The following SGCZ variants were observed in gnomAD, a reference collection of about 807,000 sequenced individuals.
SGCZ encodes the protein zeta-sarcoglycan.
In SGCZ, 40 loss-of-function variants were observed where a neutral mutation model predicts 41.3. The ratio of observed to expected loss-of-function variants is 0.97; its 90% confidence interval spans 0.75 to 1.26. SGCZ has a LOEUF of 1.26. Among genes scored for constraint, SGCZ ranks in the 50% most tolerant of loss-of-function variants. SGCZ has a pLI of 0.00. For missense variants in SGCZ, 552 were observed against 369.8 expected, an observed-to-expected ratio of 1.49 and a Z score of -4.04; for synonymous variants, 206 against 137.5, an observed-to-expected ratio of 1.50 and a Z score of -3.49.
At chr8:14,294,069 T>G (rs1800933847) in intron 3 of SGCZ, among the ~76,000 whole-genome samples, 2 of 151,880 alleles carry the variant, frequency 1.3e-5, no homozygotes, top group African/African-American at 4.8e-5. Flanking sequence ...CATTTTTCTG[T>G]AGCCAATTAT....
intron 1 of SGCZ, among the ~76,000 whole-genome samples, chr8:15,171,999 C>A (rs1192948619): frequency 6.6e-6 from 1 of 151,970 alleles, no homozygotes; most frequent in Non-Finnish European, 1.5e-5. Context: ...ATTATTTGTG[C>A]CAGCAAAGAG....
At chr8:14,604,693 T>G (rs898151591) in intron 1 of SGCZ, among the ~76,000 whole-genome samples, 3 of 152,192 alleles carry the variant, frequency 2.0e-5, no homozygotes, top group African/African-American at 4.8e-5. Flanking sequence ...AAACGCAGAC[T>G]GCTCTAAGTC....
At chr8:14,289,290 G>C (rs1484792190) in intron 3 of SGCZ, among the ~76,000 whole-genome samples, 1 of 150,712 alleles carries the variant, frequency 6.6e-6, no homozygotes, top group Non-Finnish European at 1.5e-5. Flanking sequence ...TAATTTATCT[G>C]TTATTTCTCT....
intron 2 of SGCZ, among the ~76,000 whole-genome samples, chr8:14,438,434 T>C (rs922914863): frequency 2.6e-5 from 4 of 151,994 alleles, no homozygotes. Context: ...ATTATTAATT[T>C]TCTAGGGAGA....
At chr8:14,978,598 G>A (rs754041508) in intron 1 of SGCZ, among the ~76,000 whole-genome samples, 88 of 147,278 alleles carry the variant, frequency 6.0e-4, no homozygotes, top group Admixed American at 1.9e-3. Context: ...TCACCATTTC[G>A]CCTAAGTTAG....
chr8:14,714,263 G>C (rs893182442), intron 1 of SGCZ, among the ~76,000 whole-genome samples: 2 of 151,974 alleles, frequency 1.3e-5, no homozygotes, highest in South Asian at 4.1e-4. Flanking sequence ...CACCGTGTCC[G>C]ACCCTGAAAT....
At chr8:14,367,854 T>C (rs1290603544) in intron 2 of SGCZ, among the ~76,000 whole-genome samples, 6 of 152,016 alleles carry the variant, frequency 3.9e-5, no homozygotes, top group African/African-American at 1.2e-4. Flanking sequence ...ATGCTTATTA[T>C]TTTTTGGGAA....
chr8:14,947,279 G>T, intron 1 of SGCZ, among the ~76,000 whole-genome samples: 1 of 152,208 alleles, frequency 6.6e-6, no homozygotes, highest in East Asian at 1.9e-4. Flanking sequence ...CAAACACACA[G>T]TGAGGTAAAT....
chr8:14,209,633 T>C (rs1367533281), intron 4 of SGCZ, among the ~76,000 whole-genome samples: 1 of 152,158 alleles, frequency 6.6e-6, no homozygotes, highest in Non-Finnish European at 1.5e-5. Flanking sequence ...AAGTGAAAAG[T>C]TGTGTCAGCA....
intron 1 of SGCZ, among the ~76,000 whole-genome samples, chr8:15,154,748 T>C (rs921189841): frequency 1.3e-5 from 2 of 152,174 alleles, no homozygotes; most frequent in African/African-American, 4.8e-5. Context: ...TGGGAGTATT[T>C]AGTAATTCGA....
chr8:14,427,909 C>A (rs1799831701), intron 2 of SGCZ, among the ~76,000 whole-genome samples: 1 of 151,972 alleles, frequency 6.6e-6, no homozygotes, highest in Admixed American at 6.6e-5. Context: ...GTACAACAAC[C>A]ATTTACATAG....
intron 1 of SGCZ, among the ~76,000 whole-genome samples, chr8:14,764,456 A>G (rs1296972694): frequency 6.6e-6 from 1 of 152,206 alleles, no homozygotes; most frequent in African/African-American, 2.4e-5. Context: ...AACTGACATA[A>G]TGTCTCTTGA....
rs553081393 is a variant in SGCZ at position 14,890,378 on chromosome 8, G to C, written c.40-335452C>G. ...ACATAAATGGTAAGAAAGTGAAACA[G>C]CCTTATTTTTGATATAGAGACAGCT... On this transcript the variant is annotated intron_variant, in intron 1 of 7. Coordinates refer to ENST00000382080, the MANE Select transcript of SGCZ (RefSeq NM_139167.4). 2.0e-5 allele frequency among the ~76,000 whole-genome samples: 3 copies of C among 152,324 alleles called. No individual in the cohort carries two copies. The South Asian group carries it at 6.2e-4, about 32-fold the overall frequency.
intron 1 of SGCZ, among the ~76,000 whole-genome samples, chr8:14,579,069 C>A (rs932411812): frequency 3.3e-5 from 5 of 151,986 alleles, no homozygotes; most frequent in African/African-American, 9.7e-5. Context: ...AAAGTAAGCT[C>A]AAAGTAAATG....
intron 1 of SGCZ, among the ~76,000 whole-genome samples, chr8:15,005,570 G>T (rs1585463266): frequency 6.7e-6 from 1 of 149,678 alleles, no homozygotes; most frequent in East Asian, 2.0e-4. Flanking sequence ...ACCTCAGGTT[G>T]TTCCGCCCAC....
intron 4 of SGCZ, chr8:14,165,275 C>T (rs1841905): frequency 0.33 from 50,622 of 151,868 alleles, 8,728 homozygotes; most frequent in Middle Eastern, 0.44. Context: ...TATATAATTT[C>T]CTTAGTGGTA....
At chr8:14,992,382 T>C (rs1158808135) in intron 1 of SGCZ, among the ~76,000 whole-genome samples, 2 of 148,948 alleles carry the variant, frequency 1.3e-5, no homozygotes, top group Non-Finnish European at 3.0e-5. Flanking sequence ...TTACCCTTGC[T>C]ATTTACCTCT....
In SGCZ at chr8:14,860,699, A is replaced by G. The variant is rs1275645599; in HGVS notation, c.40-305773T>C. 3.3e-5 allele frequency among the ~76,000 whole-genome samples: 4 copies of G among 121,132 alleles called. No homozygotes were observed. The East Asian group carries it at 8.0e-4, about 24-fold the overall frequency. 79.5% of individuals were successfully genotyped at this position (121,132 alleles called of 152,430 possible). ...AAGAGAGAAAGAAAGAAAGAAGGAAAGAAAGAAAGAGAAAGAAAGAAAGAA... is the reference window on the plus strand; with the variant it reads ...AAGAGAGAAAGAAAGAAAGAAGGAAGGAAAGAAAGAGAAAGAAAGAAAGAA... On this transcript the variant is annotated intron_variant, in intron 1 of 7. Transcript: ENST00000382080.
intron 1 of SGCZ, among the ~76,000 whole-genome samples, chr8:14,898,196 C>T (rs146757006): frequency 6.6e-6 from 1 of 152,182 alleles, no homozygotes; most frequent in African/African-American, 2.4e-5. Context: ...GAGATCCTCC[C>T]ACCTCAACCT....
Sources: gnomAD v4.1 joint callset for allele counts (sites outside exome capture counted in the v4.1 genomes callset) on GRCh38, gnomAD v4.1.1 for gene constraint, MANE v1.5 for transcripts, NCBI Gene and HGNC (gene_info 2026-07-23, HGNC 2026-07-21) for gene names.